Variants in ZC3H12B observed in about 807,000 individuals in gnomAD.
ZC3H12B encodes probable ribonuclease ZC3H12B.
In ZC3H12B, 7 loss-of-function variants were observed where a neutral mutation model predicts 43.9. That is an observed-to-expected ratio of 0.16 (90% CI 0.09 to 0.30). The LOEUF (loss-of-function observed/expected upper bound fraction) is 0.30. Among genes scored for constraint, ZC3H12B ranks in the 10% least tolerant of loss-of-function variants. The pLI is 1.00. For missense variants in ZC3H12B, 475 were observed against 670.2 expected (o/e 0.71, Z 3.22); for synonymous variants, 222 against 241.7 (o/e 0.92, Z 0.76).
the ZC3H12B span, among the ~76,000 whole-genome samples, chrX:65,264,507 A>G: frequency 1.8e-5 from 2 of 112,041 alleles, no homozygotes; most frequent in South Asian, 7.3e-4. Flanking sequence ...TCTCATTTCC[A>G]TACCAAGAGG....
At chrX:65,057,555 T>C in the ZC3H12B span, among the ~76,000 whole-genome samples, 2 of 111,432 alleles carry the variant, frequency 1.8e-5, no homozygotes, top group Non-Finnish European at 3.8e-5. Flanking sequence ...CTGACAATTA[T>C]CTGTCTTGGA....
intron 2 of ZC3H12B, among the ~76,000 whole-genome samples, chrX:65,390,998 A>G (rs2066608442): frequency 8.9e-6 from 1 of 112,262 alleles, no homozygotes; most frequent in African/African-American, 3.2e-5. Flanking sequence ...TTCACAGAAT[A>G]TTATACACTG....
At chrX:65,171,923 T>C in the ZC3H12B span, among the ~76,000 whole-genome samples, 1 of 111,614 alleles carries the variant, frequency 9.0e-6, no homozygotes, top group Non-Finnish European at 1.9e-5. Context: ...TATCCCAATT[T>C]TCGAGGTACC....
chrX:65,091,845 C>T, the ZC3H12B span, among the ~76,000 whole-genome samples: 1 of 112,146 alleles, frequency 8.9e-6, no homozygotes, highest in Non-Finnish European at 1.9e-5. Context: ...CCTAAAACTG[C>T]TCAAGAATTA....
At chrX:65,067,231 G>A in the ZC3H12B span, among the ~76,000 whole-genome samples, 1 of 110,450 alleles carries the variant, frequency 9.1e-6, no homozygotes, top group African/African-American at 3.3e-5. Flanking sequence ...TGCCCAAACA[G>A]CTGCCCCATT....
At chrX:65,348,240 A>G in the ZC3H12B span, among the ~76,000 whole-genome samples, 73 of 112,369 alleles carry the variant, frequency 6.5e-4, no homozygotes, top group Middle Eastern at 4.6e-3. Context: ...TTAAAAAATA[A>G]TCAAAAATAA....
chrX:65,192,039 T>A, the ZC3H12B span, among the ~76,000 whole-genome samples: 1 of 110,466 alleles, frequency 9.1e-6, no homozygotes, highest in Non-Finnish European at 1.9e-5. Context: ...TCTTTATTTC[T>A]GCCTTCATTT....
the ZC3H12B span, among the ~76,000 whole-genome samples, chrX:65,148,948 CT>C: frequency 9.0e-6 from 1 of 111,564 alleles, no homozygotes; most frequent in Non-Finnish European, 1.9e-5. Flanking sequence ...CTCTCTCTCT[CT>C]TTTTTTATTT....
chrX:65,180,011 G>A, the ZC3H12B span, among the ~76,000 whole-genome samples: 6 of 111,349 alleles, frequency 5.4e-5, no homozygotes, highest in Admixed American at 2.9e-4. Context: ...TTATGAGGCC[G>A]GCATCGTCCT....
chrX:65,150,469 A>G, the ZC3H12B span, among the ~76,000 whole-genome samples: 1 of 109,455 alleles, frequency 9.1e-6, no homozygotes, highest in African/African-American at 3.3e-5. Context: ...CTATTGACCC[A>G]TCCTCTAAGT....
At chrX:65,273,640 G>C in the ZC3H12B span, among the ~76,000 whole-genome samples, 1 of 111,769 alleles carries the variant, frequency 8.9e-6, no homozygotes, top group Admixed American at 9.5e-5. Context: ...GACATCCACA[G>C]TAAGACACAT....
intron 3 of ZC3H12B, among the ~76,000 whole-genome samples, chrX:65,444,152 T>C (rs2067343527): frequency 8.9e-6 from 1 of 112,628 alleles, no homozygotes; most frequent in Non-Finnish European, 1.9e-5. Flanking sequence ...TTTTGCTTTC[T>C]GTTTTTGTGT....
At chrX:65,457,508 G>A (rs376352651) in intron 3 of ZC3H12B, among the ~76,000 whole-genome samples, 63 of 90,137 alleles carry the variant, frequency 7.0e-4, no homozygotes, top group Admixed American at 1.8e-3. Flanking sequence ...CTTCCCGGCC[G>A]CCCCTACTGG....
the ZC3H12B span, among the ~76,000 whole-genome samples, chrX:65,111,407 G>T: frequency 9.0e-6 from 1 of 110,846 alleles, no homozygotes; most frequent in African/African-American, 3.3e-5. Context: ...ATGTATTCCT[G>T]GTTTTCAGAG....
chrX:65,298,597 G>A, the ZC3H12B span, among the ~76,000 whole-genome samples: 225 of 111,247 alleles, frequency 2.0e-3, 1 homozygote, highest in Non-Finnish European at 2.7e-3. Flanking sequence ...TTCCTCTTCT[G>A]GGTATATACC....
intron 3 of ZC3H12B, among the ~76,000 whole-genome samples, chrX:65,461,651 A>G (rs2067749645): frequency 1.8e-5 from 2 of 111,481 alleles, no homozygotes; most frequent in Middle Eastern, 4.6e-3. Context: ...GAATTGAACA[A>G]TGAGAACACA....
At chrX:65,312,021 C>A in the ZC3H12B span, among the ~76,000 whole-genome samples, 1 of 111,190 alleles carries the variant, frequency 9.0e-6, no homozygotes, top group Non-Finnish European at 1.9e-5. Flanking sequence ...GGAGGGATAG[C>A]ATTAGGAAAA....
At chrX:65,357,330 G>T in the ZC3H12B span, 4 of 255,372 alleles carry the variant, frequency 1.6e-5, no homozygotes, top group Non-Finnish European at 2.9e-5. Flanking sequence ...CGGGATTTTG[G>T]GCAGATCCTC....
At chrX:65,107,334 T>C in the ZC3H12B span, among the ~76,000 whole-genome samples, 738 of 110,922 alleles carry the variant, frequency 6.7e-3, 9 homozygotes, top group African/African-American at 0.023. Flanking sequence ...TGGTCATCAG[T>C]TATGAGACAA....
Sources: allele counts gnomAD v4.1 joint callset (sites outside exome capture counted in the v4.1 genomes callset), GRCh38; gene constraint gnomAD v4.1.1; transcripts MANE v1.5; gene names NCBI Gene and HGNC (gene_info 2026-07-23, HGNC 2026-07-21).